KLHL29: variants seen among roughly 807,000 people sequenced by gnomAD.
KLHL29 encodes the protein kelch-like protein 29.
A neutral mutation model predicts 80.4 loss-of-function variants in KLHL29; 21 were observed. The observed-to-expected ratio is 0.26, with a 90% CI of 0.19 to 0.38. The LOEUF is 0.38. Ranked by LOEUF, KLHL29 falls within the 10% of genes least tolerant of loss-of-function variation. The pLI, the probability that KLHL29 is intolerant of heterozygous loss-of-function variation, is 1.00. For synonymous variants in KLHL29, 511 were observed against 526.8 expected (o/e 0.97, Z 0.41); for missense variants, 867 against 1,223.9 (o/e 0.71, Z 4.35).
intron 2 of KLHL29, among the ~76,000 whole-genome samples, chr2:23,536,679 G>T (rs1374615869): frequency 2.0e-5 from 3 of 152,122 alleles, no homozygotes; most frequent in Non-Finnish European, 4.4e-5. Flanking sequence ...ATCTCTCTCC[G>T]TGAAGGTTTG....
chr2:23,440,355 G>T (rs890563009), intron 1 of KLHL29, among the ~76,000 whole-genome samples: 10 of 151,444 alleles, frequency 6.6e-5, no homozygotes, highest in African/African-American at 2.4e-4. Flanking sequence ...TTAAACATTA[G>T]ACCTAAAACC....
At position 23,682,114 on chromosome 2, in the gene KLHL29, C is replaced by T. The variant is rs1020138985; in HGVS notation, c.941-2285C>T. ...ACCTGTTAGTGGTCTCCATGCCTCC[C>T]CCTCCCCACTTCCTTCCTGCACTGA... On this transcript the variant is annotated intron_variant, in intron 5 of 13. Coordinates refer to ENST00000486442, the MANE Select transcript of KLHL29 (RefSeq NM_052920.2). This position sits in a 1 kb window ranked among gnomAD's most constrained non-coding sequence, Gnocchi z 4.1. Among the ~76,000 whole-genome samples the T allele has an allele frequency of 3.3e-5, 5 of 152,188 alleles. No individual in the cohort carries two copies. The highest frequency in any genetic ancestry group is 7.3e-5 in the Non-Finnish European group (5 of 68,040).
intron 3 of KLHL29, among the ~76,000 whole-genome samples, chr2:23,563,701 A>G (rs537936649): frequency 1.3e-5 from 2 of 152,276 alleles, no homozygotes; most frequent in East Asian, 1.9e-4. Context: ...CTTCCCATTA[A>G]TAACTGTGAG....
chr2:23,698,593 G>A (rs1319359596), intron 11 of KLHL29, among the ~76,000 whole-genome samples: 2 of 152,120 alleles, frequency 1.3e-5, no homozygotes, highest in African/African-American at 2.4e-5. Flanking sequence ...TGGTATTACA[G>A]GAATAGAGCA....
intron 1 of KLHL29, among the ~76,000 whole-genome samples, chr2:23,396,072 C>G (rs1212154552): frequency 6.6e-6 from 1 of 152,228 alleles, no homozygotes. Context: ...GATTTTATAA[C>G]AATTGGGTCT....
At chr2:23,517,039 C>A (rs924633601) in intron 2 of KLHL29, among the ~76,000 whole-genome samples, 1 of 152,168 alleles carries the variant, frequency 6.6e-6, no homozygotes, top group East Asian at 1.9e-4. Flanking sequence ...TGCAGAGCTC[C>A]CTGTTTGTCA....
At chr2:23,436,412 C>T (rs1663344976) in intron 1 of KLHL29, among the ~76,000 whole-genome samples, 1 of 148,658 alleles carries the variant, frequency 6.7e-6, no homozygotes, top group South Asian at 2.2e-4. Context: ...TTTTTTTCTC[C>T]CTCAAAATAT....
In KLHL29 at chr2:23,624,039, G is replaced by C. The variant is rs141945855; in HGVS notation, c.286-15100G>C. ...CAGATGAAGATGAATGAGTGGGTTG[G>C]CTGGGCTTACTTGGAGGTATTTATA... On this transcript the variant is annotated intron_variant, in intron 3 of 13. Coordinates refer to ENST00000486442, the MANE Select transcript of KLHL29 (RefSeq NM_052920.2). Among the ~76,000 whole-genome samples the C allele has an allele frequency of 2.5e-3, 375 of 152,278 alleles. 3 individuals are homozygous for C. Among genetic ancestry groups the C allele is most frequent in the African/African-American group, 8.7e-3 (362 of 41,550 alleles).
chr2:23,463,994 T>A (rs897125644), intron 1 of KLHL29, among the ~76,000 whole-genome samples: 4 of 152,210 alleles, frequency 2.6e-5, no homozygotes, highest in African/African-American at 9.7e-5. Flanking sequence ...CTGTTTTAAA[T>A]TTTTTTCAGA....
At chr2:23,393,796 C>G (rs963598774) in intron 1 of KLHL29, among the ~76,000 whole-genome samples, 1 of 152,180 alleles carries the variant, frequency 6.6e-6, no homozygotes. Context: ...GTTGCAGTGC[C>G]TGGGATCTGG....
chr2:23,563,949 G>A (rs911168547), intron 3 of KLHL29, among the ~76,000 whole-genome samples: 4 of 152,374 alleles, frequency 2.6e-5, no homozygotes, highest in African/African-American at 9.6e-5. Context: ...GCCAGCCCGA[G>A]CGCTGGTCTG....
chr2:23,593,182 C>T (rs1247649456), intron 3 of KLHL29, among the ~76,000 whole-genome samples: 1 of 152,190 alleles, frequency 6.6e-6, no homozygotes, highest in African/African-American at 2.4e-5. Flanking sequence ...ACATCTTTGT[C>T]ACCAGCGTGC....
chr2:23,674,301 CCAAA>C (rs1199264291), intron 5 of KLHL29, among the ~76,000 whole-genome samples: 1 of 152,100 alleles, frequency 6.6e-6, no homozygotes, highest in African/African-American at 2.4e-5. Flanking sequence ...AACAAAGGGG[CCAAA>C]CAGACACAAG....
chr2:23,579,401 A>G (rs2103508115), intron 3 of KLHL29, among the ~76,000 whole-genome samples: 1 of 152,272 alleles, frequency 6.6e-6, no homozygotes, highest in Middle Eastern at 3.4e-3. Context: ...TAAAATTCCC[A>G]GAATGGAGCT....
At chr2:23,469,409 C>T (rs1018414120) in intron 1 of KLHL29, among the ~76,000 whole-genome samples, 1 of 152,176 alleles carries the variant, frequency 6.6e-6, no homozygotes, top group Non-Finnish European at 1.5e-5. Context: ...TCATGGGGTT[C>T]GTGTGGCATC....
chr2:23,527,532 A>C (rs1709293), intron 2 of KLHL29, among the ~76,000 whole-genome samples: 8,559 of 152,082 alleles, frequency 0.056, 367 homozygotes, highest in African/African-American at 0.12. Flanking sequence ...TGTGAGCAGA[A>C]CTTAGAGGCT....
intron 3 of KLHL29, among the ~76,000 whole-genome samples, chr2:23,607,496 A>C (rs548240430): frequency 2.8e-4 from 43 of 152,378 alleles, no homozygotes; most frequent in Admixed American, 5.9e-4. Context: ...AGTTACTTTT[A>C]ATGAAATATC....
At chr2:23,492,011 G>T (rs1665117901) in intron 2 of KLHL29, among the ~76,000 whole-genome samples, 1 of 152,080 alleles carries the variant, frequency 6.6e-6, no homozygotes, top group African/African-American at 2.4e-5. Context: ...ACTGGCACCT[G>T]AGCAACCACC....
At chr2:23,400,483 C>T (rs952237458) in intron 1 of KLHL29, among the ~76,000 whole-genome samples, 3 of 152,180 alleles carry the variant, frequency 2.0e-5, no homozygotes, top group Non-Finnish European at 4.4e-5. Context: ...AGTGTCTCCT[C>T]ATTTCCCCAA....
Sources: allele counts gnomAD v4.1 joint callset (sites outside exome capture counted in the v4.1 genomes callset), GRCh38; gene constraint gnomAD v4.1.1; non-coding constraint Gnocchi (gnomAD v3.1); transcripts MANE v1.5; gene names NCBI Gene and HGNC (gene_info 2026-07-23, HGNC 2026-07-21).